Variants in ABR observed in about 807,000 individuals in gnomAD.
ABR encodes ABR activator of RhoGEF and GTPase, also known as active breakpoint cluster region-related protein.
In ABR, 35 loss-of-function variants were observed where a neutral mutation model predicts 107.2. The observed-to-expected ratio is 0.33, with a 90% CI of 0.25 to 0.43. The LOEUF (loss-of-function observed/expected upper bound fraction) is 0.43, where lower values mean the gene tolerates loss of function less well. ABR is among the 20% of genes least tolerant of loss of function. The probability of loss-of-function intolerance (pLI) is 1.00; values close to 1 mark genes in which losing one functional copy is unlikely to be tolerated. For missense variants in ABR, 815 were observed against 1,115.2 expected (o/e 0.73, Z 3.83); for synonymous variants, 498 against 462.0 (o/e 1.08, Z -1.00).
intron 1 of ABR, among the ~76,000 whole-genome samples, chr17:1,133,649 C>T (rs555124614): frequency 1.3e-5 from 2 of 152,094 alleles, no homozygotes; most frequent in Non-Finnish European, 2.9e-5. Flanking sequence ...TAGAGCCTTC[C>T]GATTCTGGAA....
chr17:1,185,437 G>A (rs938184910), intron 1 of ABR, among the ~76,000 whole-genome samples: 2 of 152,074 alleles, frequency 1.3e-5, no homozygotes, highest in African/African-American at 4.8e-5. Context: ...CTGAGGTCAG[G>A]AGTTCGAGAC....
In ABR at chr17:1,218,718, C is replaced by T. The variant is rs544166302; in HGVS notation, c.838+10075G>A. Among the ~76,000 whole-genome samples the T allele has an allele frequency of 1.1e-4, 16 of 152,290 alleles. 1 individual carries two copies. Among genetic ancestry groups the T allele is most frequent in the South Asian group, 4.1e-4 (2 of 4,826 alleles). Reference sequence around the variant, plus strand: ...CAGCTGTCCCCAAATTACAAATGGACGATTTCAAACTTTGGCCGATGAGTC... The same window carrying T: ...CAGCTGTCCCCAAATTACAAATGGATGATTTCAAACTTTGGCCGATGAGTC... On this transcript the variant is annotated intron_variant, in intron 1 of 22. Coordinates refer to the ABR transcript ENST00000574139.
intron 16 of ABR, among the ~76,000 whole-genome samples, chr17:1,016,288 T>C (rs980809910): frequency 1.2e-4 from 19 of 152,164 alleles, no homozygotes; most frequent in African/African-American, 4.6e-4. Context: ...CTAGAGTCTT[T>C]TACTTTCTGA....
intron 1 of ABR, among the ~76,000 whole-genome samples, chr17:1,197,514 C>T (rs1211596872): frequency 6.6e-6 from 1 of 151,546 alleles, no homozygotes; most frequent in Non-Finnish European, 1.5e-5. Context: ...ACCCTAATCC[C>T]CTTCTCGTGG....
chr17:1,195,670 G>C (rs1366720566), intron 1 of ABR, among the ~76,000 whole-genome samples: 3 of 151,362 alleles, frequency 2.0e-5, no homozygotes, highest in Non-Finnish European at 4.4e-5. Context: ...CGGGCGTGGT[G>C]GTGGGCGCCT....
chr17:1,170,557 C>T (rs1295227212), intron 1 of ABR, among the ~76,000 whole-genome samples: 1 of 152,146 alleles, frequency 6.6e-6, no homozygotes, highest in African/African-American at 2.4e-5. Context: ...CTACCTCAGC[C>T]TCCCGAGTAG....
chr17:1,182,832 G>A (rs544644430), upstream of ABR, among the ~76,000 whole-genome samples: 46 of 152,308 alleles, frequency 3.0e-4, no homozygotes, highest in African/African-American at 9.6e-4. Flanking sequence ...CTCAGACAAC[G>A]TGTCTCAGGA....
At chr17:1,075,674 T>A (rs1046454542) in intron 6 of ABR, among the ~76,000 whole-genome samples, 3 of 152,234 alleles carry the variant, frequency 2.0e-5, no homozygotes, top group Non-Finnish European at 4.4e-5. Context: ...CTTTACTGAT[T>A]TGAATGTATA....
intron 1 of ABR, among the ~76,000 whole-genome samples, chr17:1,128,746 T>G (rs1258750157): frequency 2.0e-5 from 3 of 151,520 alleles, no homozygotes; most frequent in African/African-American, 7.3e-5. Flanking sequence ...TCCAGGTCAC[T>G]GAGGGCACAG....
chr17:1,132,570 G>A (rs897993730), intron 1 of ABR, among the ~76,000 whole-genome samples: 9 of 151,742 alleles, frequency 5.9e-5, no homozygotes, highest in Admixed American at 1.3e-4. Context: ...GTAAAGACGG[G>A]GTTTCACCGT....
chr17:1,034,800 C>A (rs77948238), intron 16 of ABR, among the ~76,000 whole-genome samples: 64 of 152,258 alleles, frequency 4.2e-4, no homozygotes, highest in Non-Finnish European at 7.9e-4. Context: ...CCCCTTCCCT[C>A]GGGCTGGGTC....
At chr17:1,112,621 A>AGGAAGGAAGAG (rs1555584867) in intron 2 of ABR, among the ~76,000 whole-genome samples, 1 of 149,104 alleles carries the variant, frequency 6.7e-6, no homozygotes, top group East Asian at 2.0e-4. Context: ...GGGAGGAAGG[A>AGGAAGGAAGAG]AGGAAGGAAG....
chr17:1,187,499 G>A (rs953714417), upstream of ABR, among the ~76,000 whole-genome samples: 2 of 152,256 alleles, frequency 1.3e-5, no homozygotes, highest in Non-Finnish European at 2.9e-5. Flanking sequence ...ACAGCTGGGG[G>A]AGTCAGGAGG....
At chr17:1,047,949 A>G (rs1013703057) in intron 16 of ABR, among the ~76,000 whole-genome samples, 33 of 152,218 alleles carry the variant, frequency 2.2e-4, no homozygotes, top group African/African-American at 2.4e-4. Context: ...GCTGCCCGGC[A>G]CATCCTTGTA....
chr17:1,005,972 C>T lies in ABR; in HGVS notation c.*108G>A. 9.6e-7 allele frequency: 1 copy of T among 1,038,806 alleles called. No homozygotes were observed. Among genetic ancestry groups the T allele is most frequent in the Non-Finnish European group, 1.5e-6 (1 of 688,100 alleles). The allele number at this position is 1,038,806 out of a possible 1,614,324, so 64.3% of individuals were successfully genotyped here. Reference sequence around the variant, plus strand: ...TCTTGGAAGCTGGCTTCCCTCGAGTCTGGAGTGCTGGGTTTGGGAGTTTTC... The same window carrying T: ...TCTTGGAAGCTGGCTTCCCTCGAGTTTGGAGTGCTGGGTTTGGGAGTTTTC... On this transcript the variant is annotated 3_prime_UTR_variant, in exon 23 of 23. Transcript: ENST00000302538.
Position 1,050,713 on chromosome 17 carries a change from G to A in ABR, c.1562-79C>T, listed in dbSNP as rs1485470791. On this transcript the variant is annotated intron_variant, in intron 14 of 22. Coordinates refer to ENST00000302538, the MANE Select transcript of ABR (RefSeq NM_021962.5). The surrounding 1 kb of genome is among the most constrained non-coding windows in gnomAD (Gnocchi z 4.6). ...GCTGGGGCGGCACTCAGGATGGAGGGGGACATCGCATCTGTCCTTTCCAAC... is the reference window on the plus strand; with the variant it reads ...GCTGGGGCGGCACTCAGGATGGAGGAGGACATCGCATCTGTCCTTTCCAAC... 6 of 1,138,136 alleles carry A rather than the reference G, an allele frequency of 5.3e-6. No individual in the cohort carries two copies. The highest frequency in any genetic ancestry group is 5.0e-5 in the South Asian group (4 of 80,736). 70.5% of individuals were successfully genotyped at this position (1,138,136 alleles called of 1,614,324 possible). A position where few individuals can be genotyped will look rare whatever the true frequency, so the allele number is the denominator to read the frequency against.
In ABR at chr17:1,215,081, G is replaced by C. The variant is rs77044765; in HGVS notation, c.838+13712C>G. ...CAAAACATACAGAAATTAGGTAGGC[G>C]TGATGGTGTGTGCCTGTAGTCCCAA... On this transcript the variant is annotated intron_variant, in intron 1 of 22. Coordinates refer to the ABR transcript ENST00000574139. Among the ~76,000 whole-genome samples, 885 of 151,956 alleles carry C rather than the reference G, an allele frequency of 5.8e-3. 47 individuals are homozygous for C. In the East Asian group the frequency reaches 0.13, roughly 22 times the overall value.
At chr17:1,024,233 C>T (rs1022888035) in intron 16 of ABR, among the ~76,000 whole-genome samples, 5 of 152,104 alleles carry the variant, frequency 3.3e-5, no homozygotes, top group Admixed American at 6.5e-5. Flanking sequence ...GTGGCGTCGT[C>T]GAGAAGAACC....
intron 1 of ABR, among the ~76,000 whole-genome samples, chr17:1,176,974 C>T (rs2048237856): frequency 6.6e-6 from 1 of 152,146 alleles, no homozygotes; most frequent in African/African-American, 2.4e-5. Context: ...AGGAACAATG[C>T]TCAGAGAGAG....
Sources: gnomAD v4.1 joint callset for allele counts (sites outside exome capture counted in the v4.1 genomes callset) on GRCh38, gnomAD v4.1.1 for gene constraint, Gnocchi (gnomAD v3.1) non-coding constraint, MANE v1.5 for transcripts, NCBI Gene and HGNC (gene_info 2026-07-23, HGNC 2026-07-21) for gene names.